CHAMP1: variants seen among roughly 807,000 people sequenced by gnomAD.
CHAMP1 encodes the protein chromosome alignment-maintaining phosphoprotein 1.
In CHAMP1, 4 loss-of-function variants were observed where a neutral mutation model predicts 54.5. The observed-to-expected ratio is 0.07, with a 90% confidence interval of 0.04 to 0.17. The LOEUF (loss-of-function observed/expected upper bound fraction) is 0.17, where lower values mean the gene tolerates loss of function less well. Among genes scored for constraint, CHAMP1 ranks in the 10% least tolerant of loss-of-function variants. CHAMP1 has a pLI of 1.00. For missense variants in CHAMP1, 994 were observed against 968.6 expected, an observed-to-expected ratio of 1.03 and a Z score of -0.35; for synonymous variants, 368 against 342.2, an observed-to-expected ratio of 1.08 and a Z score of -0.83.
rs944052576 is a variant in CHAMP1 at position 114,325,534 on chromosome 13, C to G, written c.1692C>G (p.Pro564=). 2 of 1,614,018 alleles carry G rather than the reference C, an allele frequency of 1.2e-6. No individual in the cohort carries two copies. The highest frequency in any genetic ancestry group is 1.7e-6 in the Non-Finnish European group (2 of 1,180,052). ...AGCATGCCCTTTTCCCTGAACTCCC[C>G]AAATCTGCTCTATTCTCAGAATCAC... ...PRKHALFPEL[P]KSALFSESQK... The change falls in exon 3 of 3, where the codon CCC becomes CCG. Residue 564 remains proline, a synonymous_variant. Coordinates refer to ENST00000361283, the MANE Select transcript of CHAMP1 (RefSeq NM_032436.4).
chr13:114,325,694 A>C lies in CHAMP1; in HGVS notation c.1852A>C (p.Lys618Gln). The change falls in exon 3 of 3, where the codon AAG becomes CAG. Residue 618 changes from lysine (K) to glutamine (Q), a missense_variant. Lys to Gln is a moderately conservative substitution (Grantham distance 53, BLOSUM62 1). Coordinates refer to ENST00000361283, the MANE Select transcript of CHAMP1 (RefSeq NM_032436.4). ...AGATACTTTATTTCCTTCCTCAAAG[A>C]AGCTCAAGAAAGACAACCAAGAGAG... ...LEDTLFPSSK[K>Q]LKKDNQESSD... is the part of the protein sequence containing the mutation. 2 of 1,613,732 alleles carry C rather than the reference A, an allele frequency of 1.2e-6. No individual in the cohort carries two copies. Among genetic ancestry groups the C allele is most frequent in the Non-Finnish European group, 1.7e-6 (2 of 1,179,908 alleles).
In CHAMP1 at chr13:114,326,066, A is replaced by G. The variant is rs2087246966; in HGVS notation, c.2224A>G (p.Ile742Val). Residue 742 changes from isoleucine (I) to valine (V), a missense_variant, in exon 3 of 3, where the codon ATC (isoleucine) becomes GTC (valine). This residue lies in a region of CHAMP1 where 59 missense variants were observed against 146.7 expected (regional missense o/e 0.40). Coordinates refer to ENST00000361283, the MANE Select transcript of CHAMP1 (RefSeq NM_032436.4). ...TGTTCATAGCCCTTACAAATGCACA[A>G]TCTGTGGAAAGGCTTTTCTTTTGGA... is the stretch of plus-strand genomic sequence containing the variant. ...HNVHSPYKCT[I>V]CGKAFLLESL... 4 of 1,612,782 alleles carry G rather than the reference A, an allele frequency of 2.5e-6. No individual in the cohort carries two copies. Among genetic ancestry groups the G allele is most frequent in the Non-Finnish European group, 3.4e-6 (4 of 1,179,276 alleles).
In CHAMP1 at chr13:114,327,208, T is replaced by G. The variant is rs1594134010; in HGVS notation, c.*927T>G. ...TTCTGTTAAAGAAATATATCGATTT[T>G]ATGTTTTTCAATTATGTTACTGTAA... On this transcript the variant is annotated 3_prime_UTR_variant, in exon 3 of 3. Transcript: ENST00000361283. The G allele has an allele frequency of 6.0e-6, 1 of 166,962 alleles. No homozygotes were observed. Among genetic ancestry groups the G allele is most frequent in the Non-Finnish European group, 1.5e-5 (1 of 68,124 alleles). The allele number at this position is 166,962 out of a possible 1,614,324, so 10.3% of individuals were successfully genotyped here. A position where few individuals can be genotyped will look rare whatever the true frequency, so the allele number is the denominator to read the frequency against.
chr13:114,321,080 ACTTTT>A (rs782026448), intron 1 of CHAMP1, 25 bp from the exon 2 acceptor site: 2 of 131,154 alleles, frequency 1.5e-5, no homozygotes, highest in East Asian at 4.5e-4. Flanking sequence ...AGTTTTGATT[ACTTTT>A]CTTTTTTTTT....
chr13:114,317,112 G>C (rs145103068), intron 1 of CHAMP1, among the ~76,000 whole-genome samples: 1,536 of 152,128 alleles, frequency 0.01, 16 homozygotes, highest in African/African-American at 0.027. Flanking sequence ...CCGTCTCCCG[G>C]GTTCAAGCGA....
In CHAMP1 at chr13:114,326,544, T is replaced by C; in HGVS notation, c.*263T>C. 3.2e-6 allele frequency: 1 copy of C among 317,116 alleles called. No homozygotes were observed. The highest frequency in any genetic ancestry group is 2.2e-5 in the African/African-American group (1 of 46,496). The allele number at this position is 317,116 out of a possible 1,614,324, so 19.6% of individuals were successfully genotyped here. A position where few individuals can be genotyped will look rare whatever the true frequency, so the allele number is the denominator to read the frequency against. On this transcript the variant is annotated 3_prime_UTR_variant, in exon 3 of 3. Coordinates refer to ENST00000361283, the MANE Select transcript of CHAMP1 (RefSeq NM_032436.4). ...TCTTTTAAATATGTATGAATAATAA[T>C]ACAAGGAAGTAGGCATTCCATTTAA...
At position 114,326,464 on chromosome 13, in the gene CHAMP1, C is replaced by G. The variant is rs1488377010; in HGVS notation, c.*183C>G. ...TTTTTTCTGGTCTCTGTCTATGTGA[C>G]TATCTTGTAAGTCAATAAATTTCTG... On this transcript the variant is annotated 3_prime_UTR_variant, in exon 3 of 3. Transcript: ENST00000361283. The G allele has an allele frequency of 6.6e-6, 4 of 609,834 alleles. No individual in the cohort carries two copies. Among genetic ancestry groups the G allele is most frequent in the Non-Finnish European group, 1.1e-5 (4 of 373,390 alleles). 37.8% of individuals were successfully genotyped at this position (609,834 alleles called of 1,614,324 possible). A position where few individuals can be genotyped will look rare whatever the true frequency, so the allele number is the denominator to read the frequency against.
At chr13:114,319,065 T>G (rs907429096) in intron 1 of CHAMP1, among the ~76,000 whole-genome samples, 1 of 152,000 alleles carries the variant, frequency 6.6e-6, no homozygotes, top group African/African-American at 2.4e-5. Flanking sequence ...CTTGTTTATT[T>G]TGGACTATTG....
intron 1 of CHAMP1, 65 bp from the exon 2 acceptor site, chr13:114,321,044 CA>C (rs2087162519): frequency 6.7e-6 from 1 of 148,978 alleles, no homozygotes; most frequent in African/African-American, 2.5e-5. Flanking sequence ...AATTCCATTA[CA>C]GGGGGCACAC....
chr13:114,318,823 T>C (rs1279633616), intron 1 of CHAMP1, among the ~76,000 whole-genome samples: 7 of 151,328 alleles, frequency 4.6e-5, no homozygotes. Context: ...AATGACTTTT[T>C]TTTTTTTAAA....
Position 114,324,715 on chromosome 13 carries a change from G to T in CHAMP1, c.873G>T (p.Lys291Asn), listed in dbSNP as rs782817889. 1 of 1,613,736 alleles carries T rather than the reference G, an allele frequency of 6.2e-7. No individual in the cohort carries two copies. The highest frequency in any genetic ancestry group is 2.2e-5 in the East Asian group (1 of 44,878). The change falls in exon 3 of 3, where the codon AAG (lysine) becomes AAT (asparagine). Residue 291 changes from lysine (K) to asparagine (N), a missense_variant. By Grantham distance (94) the Lys-to-Asn change is moderately conservative. Coordinates refer to ENST00000361283, the MANE Select transcript of CHAMP1 (RefSeq NM_032436.4). Reference protein sequence around the residue: ...PSPSESPEPWKPFPAVSPEPR... With the variant: ...PSPSESPEPWNPFPAVSPEPR... ...CTTCAGAGTCTCCTGAACCTTGGAA[G>T]CCGTTCCCTGCTGTCTCCCCAGAGC...
chr13:114,325,403 A>G lies in CHAMP1; in HGVS notation c.1561A>G (p.Ile521Val), dbSNP rs139088248. ...ASDIWKPVLSIDTEPRKPALF... is the reference protein window; with the variant it reads ...ASDIWKPVLSVDTEPRKPALF... ...AGATATCTGGAAGCCTGTTCTCTCT[A>G]TCGATACTGAGCCTAGAAAACCTGC... The change falls in exon 3 of 3, where the codon ATC becomes GTC. Residue 521 changes from isoleucine to valine, a missense_variant. Ile to Val is a conservative substitution (Grantham distance 29). This residue lies in a region of CHAMP1 where 851 missense variants were observed against 701.3 expected (regional missense o/e 1.21). Transcript: ENST00000361283. The G allele has an allele frequency of 2.8e-5, 46 of 1,614,038 alleles. No individual in the cohort carries two copies. The highest frequency in any genetic ancestry group is 1.6e-4 in the Middle Eastern group (1 of 6,062).
Position 114,325,042 on chromosome 13 carries a change from A to G in CHAMP1, c.1200A>G (p.Thr400=), listed in dbSNP as rs2139420431. 2 of 1,614,074 alleles carry G rather than the reference A, an allele frequency of 1.2e-6. No individual in the cohort carries two copies. Among genetic ancestry groups the G allele is most frequent in the Non-Finnish European group, 1.7e-6 (2 of 1,180,006 alleles). Residue 400 remains threonine (T), a synonymous_variant, in exon 3 of 3, where the codon ACA becomes ACG. Coordinates refer to ENST00000361283, the MANE Select transcript of CHAMP1 (RefSeq NM_032436.4). ...CTGGCCCACCAGAACTCCGAAAGACAGCTCCCACGTTGTCTCCTGAACATT... is the reference window on the plus strand; with the variant it reads ...CTGGCCCACCAGAACTCCGAAAGACGGCTCCCACGTTGTCTCCTGAACATT... ...WKSGPPELRK[T]APTLSPEHWK...
intron 1 of CHAMP1, among the ~76,000 whole-genome samples, chr13:114,318,737 C>G (rs1004753452): frequency 6.0e-5 from 9 of 150,532 alleles, no homozygotes; most frequent in Non-Finnish European, 7.4e-5. Flanking sequence ...CTGCTAGCTT[C>G]TGATTGTCAC....
At position 114,327,283 on chromosome 13, in the gene CHAMP1, A is replaced by G. The variant is rs556984853; in HGVS notation, c.*1002A>G. ...ATTTTATTCTAAAATATTTTGTCAA[A>G]TGTGTATCAACCAAATTAAAAAGAA... On this transcript the variant is annotated 3_prime_UTR_variant, in exon 3 of 3. Transcript: ENST00000361283. 3 of 158,476 alleles carry G rather than the reference A, an allele frequency of 1.9e-5. No homozygotes were observed. Among genetic ancestry groups the G allele is most frequent in the African/African-American group, 7.2e-5 (3 of 41,548 alleles). The allele number at this position is 158,476 out of a possible 1,614,324, so 9.8% of individuals were successfully genotyped here.
At position 114,326,126 on chromosome 13, in the gene CHAMP1, C is replaced by G. The variant is rs782215496; in HGVS notation, c.2284C>G (p.Gln762Glu). Residue 762 changes from glutamine to glutamate, a missense_variant, in exon 3 of 3, where the codon CAA (glutamine) becomes GAA (glutamate). Coordinates refer to ENST00000361283, the MANE Select transcript of CHAMP1 (RefSeq NM_032436.4). ...LLKNHVAAHG[Q>E]SLLKCPRCNF... ...TAAAAATCATGTAGCAGCCCATGGG[C>G]AAAGTTTACTTAAATGTCCACGTTG... 1.9e-6 allele frequency: 3 copies of G among 1,613,162 alleles called. No homozygotes were observed. The African/African-American group carries it at 4.0e-5, about 22-fold the overall frequency.
Position 114,325,228 on chromosome 13 carries a change from A to C in CHAMP1, c.1386A>C (p.Ser462=). 1 of 1,614,030 alleles carries C rather than the reference A, an allele frequency of 6.2e-7. No homozygotes were observed. Among genetic ancestry groups the C allele is most frequent in the Non-Finnish European group, 8.5e-7 (1 of 1,179,992 alleles). ...SPDQRKTSPA[S]LDFPESQKSS... ...ATCAGCGGAAAACTTCTCCTGCTTCACTTGATTTCCCTGAGTCCCAGAAAA... is the reference window on the plus strand; with the variant it reads ...ATCAGCGGAAAACTTCTCCTGCTTCCCTTGATTTCCCTGAGTCCCAGAAAA... The change falls in exon 3 of 3, where the codon TCA becomes TCC. Residue 462 remains serine (S), a synonymous_variant. Transcript: ENST00000361283.
At chr13:114,315,644 TG>T (rs1185570748) in intron 1 of CHAMP1, among the ~76,000 whole-genome samples, 6 of 152,140 alleles carry the variant, frequency 3.9e-5, no homozygotes, top group African/African-American at 1.4e-4. Context: ...ACATACTGTA[TG>T]ATTCCCCCTC....
chr13:114,320,759 A>G (rs1235023557), intron 1 of CHAMP1, among the ~76,000 whole-genome samples: 1 of 152,120 alleles, frequency 6.6e-6, no homozygotes, highest in African/African-American at 2.4e-5. Context: ...GATCGAGACC[A>G]TCCTGGCTAA....
Sources: gnomAD v4.1 joint callset for allele counts (sites outside exome capture counted in the v4.1 genomes callset) on GRCh38, gnomAD v4.1.1 for gene constraint, gnomAD v4.1.1 regional missense constraint, MANE v1.5 for transcripts, NCBI Gene and HGNC (gene_info 2026-07-23, HGNC 2026-07-21) for gene names.